Variants in LRRIQ1 observed in about 807,000 individuals in gnomAD.
LRRIQ1 encodes the protein leucine rich repeats and IQ motif containing 1, also known as leucine-rich repeat- and IQ domain-containing protein 1.
LRRIQ1 carries 210 observed loss-of-function variants against 211.9 expected under a neutral mutation model. The ratio of observed to expected loss-of-function variants is 0.99; its 90% CI spans 0.89 to 1.11. LRRIQ1 has a LOEUF of 1.11. Among genes scored for constraint, LRRIQ1 ranks in the 50% most tolerant of loss-of-function variants. The pLI, the probability that LRRIQ1 is intolerant of heterozygous loss-of-function variation, is 0.00. For synonymous variants in LRRIQ1, 699 were observed against 650.1 expected (o/e 1.08, Z -1.14); for missense variants, 2,136 against 1,939.5 (o/e 1.10, Z -1.90).
chr12:85,177,654 G>A (rs765586228), intron 24 of LRRIQ1, among the ~76,000 whole-genome samples: 1 of 152,114 alleles, frequency 6.6e-6, no homozygotes, highest in Non-Finnish European at 1.5e-5. Context: ...GGCAATTTTA[G>A]TCTGTCCTTT....
chr12:85,240,256 A>G (rs1895400441), intron 26 of LRRIQ1, among the ~76,000 whole-genome samples: 1 of 152,196 alleles, frequency 6.6e-6, no homozygotes, highest in African/African-American at 2.4e-5. Flanking sequence ...AAGCCACTAT[A>G]TAATACCACT....
intron 1 of LRRIQ1, among the ~76,000 whole-genome samples, chr12:85,252,303 A>G (rs1895967341): frequency 6.6e-6 from 1 of 151,948 alleles, no homozygotes. Flanking sequence ...GTCAGTCCCT[A>G]TCTCATAGAA....
At position 85,056,637 on chromosome 12, in the gene LRRIQ1, C is replaced by T. The variant is rs1881115994; in HGVS notation, c.1844C>T (p.Ser615Leu). 6.3e-7 allele frequency: 1 copy of T among 1,598,164 alleles called. No individual in the cohort carries two copies. Among genetic ancestry groups the T allele is most frequent in the Non-Finnish European group, 8.5e-7 (1 of 1,173,568 alleles). ...LVISVKQRSL[S>L]LTSENSKDVR... ...ATTTCAGTGAAACAAAGATCACTCT[C>T]ACTAACATCAGAAAATTCCAAAGAT... Residue 615 changes from serine to leucine, a missense_variant, in exon 8 of 27, where the codon TCA (serine) becomes TTA (leucine). Coordinates refer to ENST00000393217, the MANE Select transcript of LRRIQ1 (RefSeq NM_001079910.2).
intron 24 of LRRIQ1, among the ~76,000 whole-genome samples, chr12:85,178,108 T>C (rs1371594033): frequency 6.6e-6 from 1 of 152,060 alleles, no homozygotes; most frequent in Non-Finnish European, 1.5e-5. Context: ...TCTATCACTT[T>C]CTTTCCTTCT....
chr12:85,186,199 A>G (rs1460778328), intron 24 of LRRIQ1, among the ~76,000 whole-genome samples: 1 of 152,248 alleles, frequency 6.6e-6, no homozygotes, highest in Non-Finnish European at 1.5e-5. Flanking sequence ...TAGTTATAAG[A>G]TTAAAAACTG....
chr12:85,040,645 G>T (rs781458659), intron 3 of LRRIQ1, 44 bp downstream of exon 3: 25 of 1,165,112 alleles, frequency 2.1e-5, no homozygotes, highest in Non-Finnish European at 2.9e-5. Flanking sequence ...CTTTCTGTAA[G>T]TATGAACAAA....
chr12:85,132,106 G>C (rs753705263), intron 18 of LRRIQ1, among the ~76,000 whole-genome samples: 28 of 152,004 alleles, frequency 1.8e-4, no homozygotes, highest in Non-Finnish European at 3.7e-4. Context: ...CTGATGATTT[G>C]AGCAGGATCC....
At chr12:85,096,783 G>C (rs1183920133) in intron 11 of LRRIQ1, among the ~76,000 whole-genome samples, 3 of 152,116 alleles carry the variant, frequency 2.0e-5, no homozygotes, top group Non-Finnish European at 4.4e-5. Context: ...CATGATTACT[G>C]TGTGGCTAAG....
rs975981709 is a variant in LRRIQ1, at chr12:85,187,635, C to T, written c.4822+26921C>T. Among the ~76,000 whole-genome samples the T allele has an allele frequency of 1.1e-4, 16 of 150,464 alleles. 1 individual carries two copies. The highest frequency in any genetic ancestry group is 1.8e-4 in the Non-Finnish European group (12 of 67,918). The stretch of plus-strand genomic sequence containing the variant: ...CAGCTTAGCCAACGTGGCAAAACCC[C>T]GTTTCTACTAAAAATACAAAAAAAA... On this transcript the variant is annotated intron_variant, in intron 24 of 26. Transcript: ENST00000393217.
Position 85,124,185 on chromosome 12 carries a change from A to C in LRRIQ1, c.3673A>C (p.Lys1225Gln). 2.5e-6 allele frequency: 4 copies of C among 1,614,180 alleles called. No homozygotes were observed. The highest frequency in any genetic ancestry group is 3.4e-6 in the Non-Finnish European group (4 of 1,180,036). The change falls in exon 17 of 27, where the codon AAA becomes CAA. Residue 1225 changes from lysine to glutamine, a missense_variant. By Grantham distance (53) the Lys-to-Gln change is moderately conservative. Transcript: ENST00000393217. The part of the protein sequence containing the change: ...HERGDVTITK[K>Q]DESEAQKNHL... The stretch of plus-strand genomic sequence containing the variant: ...ACGAGGGGATGTAACTATCACCAAG[A>C]AAGATGAATCAGAAGCCCAGAAAAA...
chr12:85,105,301 TAGA>T (rs1886689463), intron 14 of LRRIQ1, among the ~76,000 whole-genome samples: 1 of 152,132 alleles, frequency 6.6e-6, no homozygotes, highest in Admixed American at 6.6e-5. Context: ...TGCTTTATTC[TAGA>T]AGCTTTTGTA....
chr12:85,048,089 C>G (rs866720598), intron 6 of LRRIQ1: 1 of 152,238 alleles, frequency 6.6e-6, no homozygotes, highest in Non-Finnish European at 1.5e-5. Context: ...TCATGAGAAC[C>G]TTAGAATATT....
intron 24 of LRRIQ1, among the ~76,000 whole-genome samples, chr12:85,193,700 A>T (rs1892725705): frequency 6.6e-6 from 1 of 152,110 alleles, no homozygotes. Flanking sequence ...AACAACCAGT[A>T]CCAGCCGCTG....
At chr12:85,196,778 A>C (rs1056316363) in intron 24 of LRRIQ1, among the ~76,000 whole-genome samples, 1 of 151,560 alleles carries the variant, frequency 6.6e-6, no homozygotes, top group Admixed American at 6.6e-5. Context: ...CAAGGACTTC[A>C]TGTCCAAAAC....
chr12:85,266,121 A>G (rs931827753), downstream of LRRIQ1, among the ~76,000 whole-genome samples: 1 of 152,136 alleles, frequency 6.6e-6, no homozygotes, highest in East Asian at 1.9e-4. Flanking sequence ...ACCATCTTAC[A>G]AAGTCAGGAT....
Position 85,056,633 on chromosome 12 carries a change from C to T in LRRIQ1, c.1840C>T (p.Leu614Phe). 6.3e-7 allele frequency: 1 copy of T among 1,597,546 alleles called. No individual in the cohort carries two copies. The change falls in exon 8 of 27, where the codon CTC becomes TTC. Residue 614 changes from leucine to phenylalanine, a missense_variant. By Grantham distance (22) the Leu-to-Phe change is conservative. Transcript: ENST00000393217. ...AGTTATTTCAGTGAAACAAAGATCA[C>T]TCTCACTAACATCAGAAAATTCCAA... ...TLVISVKQRSLSLTSENSKDV... is the reference protein window; with the variant it reads ...TLVISVKQRSFSLTSENSKDV...
At position 85,066,886 on chromosome 12, in the gene LRRIQ1, A is replaced by ATTGGTAAGAAC; in HGVS notation, c.2685_2686insGGTAAGAACTT (p.Thr896GlyfsTer74). Reference sequence around the variant, plus strand: ...GTGTCTTGAACTTTCATATAATAAAATTACTCGAATTGGTAAGAACAATGA... The same window carrying ATTGGTAAGAAC: ...GTGTCTTGAACTTTCATATAATAAAATTGGTAAGAACTTACTCGAATTGGTAAGAACAATGA... On this transcript the variant is annotated frameshift_variant, in exon 10 of 27. Coordinates refer to ENST00000393217, the MANE Select transcript of LRRIQ1 (RefSeq NM_001079910.2). LOFTEE classifies it high-confidence loss of function. 1 of 1,498,706 alleles carries ATTGGTAAGAAC rather than the reference A, an allele frequency of 6.7e-7. No homozygotes were observed. Among genetic ancestry groups the ATTGGTAAGAAC allele is most frequent in the Non-Finnish European group, 9.1e-7 (1 of 1,102,644 alleles). 92.8% of individuals were successfully genotyped at this position (1,498,706 alleles called of 1,614,324 possible).
At chr12:85,101,960 GA>G (rs1028080715) in intron 13 of LRRIQ1, among the ~76,000 whole-genome samples, 3 of 151,236 alleles carry the variant, frequency 2.0e-5, no homozygotes, top group African/African-American at 7.3e-5. Context: ...TCTGAAAAAA[GA>G]AAAAAAGTTG....
At chr12:85,040,225 C>G (rs1878709927) in intron 2 of LRRIQ1, among the ~76,000 whole-genome samples, 2 of 151,434 alleles carry the variant, frequency 1.3e-5, no homozygotes. Flanking sequence ...AAATAAACAG[C>G]CTGTAATAAA....
Sources: allele counts gnomAD v4.1 joint callset (sites outside exome capture counted in the v4.1 genomes callset), GRCh38; gene constraint gnomAD v4.1.1; transcripts MANE v1.5; gene names NCBI Gene and HGNC (gene_info 2026-07-23, HGNC 2026-07-21).